XNDC1N: variants seen among roughly 807,000 people sequenced by gnomAD.
XNDC1N encodes the protein XRCC1 N-terminal domain containing 1, N-terminal like, also known as protein XNDC1N.
the XNDC1N span, among the ~76,000 whole-genome samples, chr11:71,897,726 A>T: frequency 1.7e-3 from 254 of 152,360 alleles, 2 homozygotes; most frequent in Non-Finnish European, 2.2e-3. Context: ...ACCAAAAAGA[A>T]TTAGAAGCCA....
At chr11:71,898,743 G>C in the XNDC1N span, among the ~76,000 whole-genome samples, 1 of 152,110 alleles carries the variant, frequency 6.6e-6, no homozygotes. Context: ...TTGGTGAATG[G>C]GTGCAATTTC....
At chr11:71,880,531 T>C in the XNDC1N span, among the ~76,000 whole-genome samples, 1 of 152,202 alleles carries the variant, frequency 6.6e-6, no homozygotes, top group African/African-American at 2.4e-5. Context: ...TGCTCTGATT[T>C]TTATTATTTC....
At chr11:71,927,582 G>C in the XNDC1N span, 1 of 151,614 alleles carries the variant, frequency 6.6e-6, no homozygotes, top group South Asian at 2.1e-4. Context: ...ATACTATATA[G>C]TCATGGCTAC....
the XNDC1N span, among the ~76,000 whole-genome samples, chr11:71,911,169 C>T: frequency 6.6e-5 from 10 of 152,238 alleles, no homozygotes; most frequent in Non-Finnish European, 1.2e-4. Flanking sequence ...GACTGTTGGG[C>T]AAAACCTGAA....
chr11:71,889,034 G>A, the XNDC1N span, among the ~76,000 whole-genome samples: 1 of 152,136 alleles, frequency 6.6e-6, no homozygotes, highest in Non-Finnish European at 1.5e-5. Flanking sequence ...AGAGGTGGAG[G>A]GTATGCAGGG....
At chr11:71,870,947 T>C in the XNDC1N span, among the ~76,000 whole-genome samples, 1 of 152,316 alleles carries the variant, frequency 6.6e-6, no homozygotes, top group South Asian at 2.1e-4. Context: ...TGTAAATTAG[T>C]GTAGCCATTA....
At chr11:71,897,231 T>C in the XNDC1N span, among the ~76,000 whole-genome samples, 5 of 152,158 alleles carry the variant, frequency 3.3e-5, no homozygotes, top group East Asian at 3.8e-4. Flanking sequence ...ATTCCTTGGA[T>C]TACATATAAA....
chr11:71,878,016 G>C, the XNDC1N span, among the ~76,000 whole-genome samples: 1 of 152,220 alleles, frequency 6.6e-6, no homozygotes, highest in Admixed American at 6.5e-5. Flanking sequence ...TAATTCCATT[G>C]CTTAAGCATG....
the XNDC1N span, chr11:71,884,560 G>A: frequency 1.3e-6 from 2 of 1,599,880 alleles, no homozygotes; most frequent in Non-Finnish European, 1.7e-6. Context: ...AAGAAGTGGT[G>A]AAAATTCTAA....
the XNDC1N span, among the ~76,000 whole-genome samples, chr11:71,900,059 G>C: frequency 6.6e-6 from 1 of 152,214 alleles, no homozygotes; most frequent in African/African-American, 2.4e-5. Flanking sequence ...TGGCTGATGT[G>C]CATGTCCAAT....
chr11:71,882,130 T>C, the XNDC1N span, among the ~76,000 whole-genome samples: 14 of 151,160 alleles, frequency 9.3e-5, no homozygotes, highest in African/African-American at 2.4e-4. Flanking sequence ...TCTTTATCTA[T>C]GGACAACCAA....
chr11:71,903,276 G>A, the XNDC1N span: 2 of 1,301,336 alleles, frequency 1.5e-6, no homozygotes, highest in Non-Finnish European at 2.2e-6. Context: ...GTCGTCGCTG[G>A]GCTGTTCCTG....
chr11:71,893,104 T>C, the XNDC1N span, among the ~76,000 whole-genome samples: 2,411 of 141,604 alleles, frequency 0.017, no homozygotes, highest in African/African-American at 0.047. Context: ...TTCTTTCAAT[T>C]AGACTGAGAT....
the XNDC1N span, chr11:71,878,450 A>G: frequency 1.2e-6 from 2 of 1,611,634 alleles, no homozygotes; most frequent in East Asian, 2.2e-5. Context: ...TACCTATTCA[A>G]CCATGAGGGT....
chr11:71,902,061 C>T, the XNDC1N span, among the ~76,000 whole-genome samples: 1 of 152,068 alleles, frequency 6.6e-6, no homozygotes, highest in Admixed American at 6.5e-5. Flanking sequence ...TTTTCTGATT[C>T]CCCAGAGCCT....
the XNDC1N span, among the ~76,000 whole-genome samples, chr11:71,875,449 T>C: frequency 6.6e-6 from 1 of 152,118 alleles, no homozygotes; most frequent in South Asian, 2.1e-4. Flanking sequence ...TATAGGCATA[T>C]ATGTGTTTGT....
At chr11:71,867,142 T>C in the XNDC1N span, among the ~76,000 whole-genome samples, 1 of 150,422 alleles carries the variant, frequency 6.6e-6, no homozygotes, top group Non-Finnish European at 1.5e-5. Flanking sequence ...CTAAAGCAAC[T>C]GTTAAATAAC....
the XNDC1N span, among the ~76,000 whole-genome samples, chr11:71,896,453 G>T: frequency 6.6e-6 from 1 of 152,314 alleles, no homozygotes; most frequent in Non-Finnish European, 1.5e-5. Context: ...GAAAATTTTA[G>T]TTCACAAGAA....
At chr11:71,912,145 G>C in the XNDC1N span, among the ~76,000 whole-genome samples, 17 of 152,316 alleles carry the variant, frequency 1.1e-4, no homozygotes, top group South Asian at 3.1e-3. Flanking sequence ...CGGTGAGGCA[G>C]CGGTGTGTTA....
Sources: gnomAD v4.1 joint callset for allele counts (sites outside exome capture counted in the v4.1 genomes callset) on GRCh38, gnomAD v4.1.1 for gene constraint, MANE v1.5 for transcripts, NCBI Gene and HGNC (gene_info 2026-07-23, HGNC 2026-07-21) for gene names.